The following FAM13A variants were observed in gnomAD, a reference collection of about 807,000 sequenced individuals.
FAM13A encodes the protein family with sequence similarity 13 member A.
Under a neutral mutation model 129.6 loss-of-function variants are expected in FAM13A, and 76 were observed. The observed-to-expected ratio is 0.59, with a 90% CI of 0.49 to 0.71. FAM13A has a LOEUF of 0.71. Among genes scored for constraint, FAM13A ranks in the 30% least tolerant of loss-of-function variants. The pLI, the probability that FAM13A is intolerant of heterozygous loss-of-function variation, is 0.00. For missense variants in FAM13A, 1,108 were observed against 1,249.3 expected (o/e 0.89, Z 1.70); for synonymous variants, 443 against 449.9 (o/e 0.98, Z 0.20).
chr4:88,988,234 ATGGGTG>A, intron 4 of FAM13A, among the ~76,000 whole-genome samples: 1 of 152,340 alleles, frequency 6.6e-6, no homozygotes, highest in South Asian at 2.1e-4. Flanking sequence ...ACCCCTGCAC[ATGGGTG>A]TGCACACATG....
chr4:88,750,473 C>T lies in FAM13A; in HGVS notation c.1891G>A (p.Asp631Asn), dbSNP rs768704104. 5 of 1,614,042 alleles carry T rather than the reference C, an allele frequency of 3.1e-6. No homozygotes were observed. Among genetic ancestry groups the T allele is most frequent in the Non-Finnish European group, 4.2e-6 (5 of 1,180,026 alleles). Residue 631 changes from aspartate (D) to asparagine (N), a missense_variant, in exon 15 of 24, where the codon GAT (aspartate) becomes AAT (asparagine). Coordinates refer to ENST00000264344, the MANE Select transcript of FAM13A (RefSeq NM_014883.4). ...YAYGQSRQYL[D>N]DTEVPPSPPN... Reference sequence around the variant, plus strand: ...GGGGAAGGAGGCACTTCTGTGTCATCCAGGTATTGCCTGCTCTGCCCATAA... The same window carrying T: ...GGGGAAGGAGGCACTTCTGTGTCATTCAGGTATTGCCTGCTCTGCCCATAA...
intron 6 of FAM13A, among the ~76,000 whole-genome samples, chr4:88,880,753 C>CA (rs1263518304): frequency 1.5e-5 from 1 of 65,634 alleles, no homozygotes; most frequent in African/African-American, 6.6e-5. Flanking sequence ...GAAATAAACT[C>CA]AGAGCTGTTG....
chr4:88,880,053 T>C (rs1743266676), intron 6 of FAM13A, among the ~76,000 whole-genome samples: 1 of 152,096 alleles, frequency 6.6e-6, no homozygotes, highest in South Asian at 2.1e-4. Flanking sequence ...ATTATTCCTC[T>C]CTAATAAATT....
chr4:88,959,992 G>C (rs1758362356), intron 4 of FAM13A, among the ~76,000 whole-genome samples: 1 of 152,134 alleles, frequency 6.6e-6, no homozygotes, highest in Non-Finnish European at 1.5e-5. Context: ...CTGGTTCTCG[G>C]CAAGAAGGCA....
Position 88,758,884 on chromosome 4 carries a change from G to A in FAM13A, c.1596C>T (p.Ile532=), listed in dbSNP as rs781036292. 9 of 1,613,814 alleles carry A rather than the reference G, an allele frequency of 5.6e-6. No individual in the cohort carries two copies. In the South Asian group the frequency reaches 9.9e-5, roughly 18 times the overall value. The part of the protein sequence containing the change: ...TQHFESPTMK[I]QEHPSLSDTK... ...TGTCAGATAGGCTGGGATGCTCCTG[G>A]ATCTTCATTGTGGGGCTCTGCAATA... Residue 532 remains isoleucine, a synonymous_variant, in exon 14 of 24, where the codon ATC becomes ATT. Coordinates refer to ENST00000264344, the MANE Select transcript of FAM13A (RefSeq NM_014883.4).
chr4:88,980,614 A>G (rs1761535186), intron 4 of FAM13A, among the ~76,000 whole-genome samples: 2 of 152,164 alleles, frequency 1.3e-5, no homozygotes, highest in South Asian at 2.1e-4. Context: ...AAATTAAGGG[A>G]AAAATTTGCA....
chr4:88,893,455 T>C (rs1561270031), intron 6 of FAM13A, among the ~76,000 whole-genome samples: 1 of 152,034 alleles, frequency 6.6e-6, no homozygotes, highest in South Asian at 2.1e-4. Flanking sequence ...AAACCCCGTC[T>C]TACTAAAAAT....
chr4:88,978,977 C>G (rs1452394534), intron 4 of FAM13A, among the ~76,000 whole-genome samples: 8 of 152,062 alleles, frequency 5.3e-5, no homozygotes, highest in Admixed American at 5.2e-4. Context: ...CACAACAATA[C>G]ATTAATAGTT....
intron 7 of FAM13A, among the ~76,000 whole-genome samples, chr4:88,817,868 A>T (rs995711660): frequency 6.6e-6 from 1 of 152,350 alleles, no homozygotes; most frequent in African/African-American, 2.4e-5. Context: ...GATGGAATTG[A>T]AACTGTATTG....
rs191423903 is a variant in FAM13A, at chr4:89,021,050, G to T, written c.218-381C>A. 4.6e-5 allele frequency among the ~76,000 whole-genome samples: 7 copies of T among 152,262 alleles called. No homozygotes were observed. The East Asian group carries it at 1.2e-3, about 25-fold the overall frequency. On this transcript the variant is annotated intron_variant, in intron 2 of 23. Transcript: ENST00000264344. ...CTTCATGAACAACTACTTTTTAAAT[G>T]ACATGTATTTAAGAAACTTTTAAAC...
In FAM13A at chr4:88,781,359, T is replaced by G. The variant is rs1722818188; in HGVS notation, c.1272-8A>C. 1 of 1,574,466 alleles carries G rather than the reference T, an allele frequency of 6.4e-7. No homozygotes were observed. The highest frequency in any genetic ancestry group is 8.6e-7 in the Non-Finnish European group (1 of 1,159,602). On this transcript the variant is annotated splice_region_variant and splice_polypyrimidine_tract_variant and intron_variant, in intron 10 of 23. Coordinates refer to ENST00000264344, the MANE Select transcript of FAM13A (RefSeq NM_014883.4). ...TCTTTGTTGATAAGTCCCCTTGAATTGAGAAAAAAGCTTAATTTTATTTTA... is the reference window on the plus strand; with the variant it reads ...TCTTTGTTGATAAGTCCCCTTGAATGGAGAAAAAAGCTTAATTTTATTTTA...
At chr4:88,778,184 A>G (rs968066992) in intron 11 of FAM13A, among the ~76,000 whole-genome samples, 8 of 152,204 alleles carry the variant, frequency 5.3e-5, no homozygotes, top group African/African-American at 1.9e-4. Context: ...TAGGCCCAGA[A>G]GCCCAGTTGC....
chr4:88,913,022 GGAAGAAGAA>G (rs60618273), intron 5 of FAM13A, among the ~76,000 whole-genome samples: 8 of 147,714 alleles, frequency 5.4e-5, no homozygotes, highest in Admixed American at 1.3e-4. Flanking sequence ...AGGAGGAGGA[GGAAGAAGAA>G]GAAGAAGAAG....
chr4:88,837,718 CAAAAAA>C (rs34184242), intron 7 of FAM13A, among the ~76,000 whole-genome samples: 3 of 71,588 alleles, frequency 4.2e-5, no homozygotes, highest in African/African-American at 1.5e-4. Context: ...AACTCCGTCT[CAAAAAA>C]AAAAAAAAAA....
At chr4:88,945,810 TTA>T (rs1327259998) in intron 4 of FAM13A, among the ~76,000 whole-genome samples, 53 of 139,950 alleles carry the variant, frequency 3.8e-4, no homozygotes, top group South Asian at 2.6e-3. Flanking sequence ...TATATATATA[TTA>T]TATATATATA....
intron 7 of FAM13A, among the ~76,000 whole-genome samples, chr4:88,818,023 G>A (rs6813481): frequency 0.081 from 12,383 of 152,042 alleles, 605 homozygotes; most frequent in African/African-American, 0.14. Flanking sequence ...TTCCACTGTC[G>A]CACAGACTGG....
chr4:88,872,779 C>T (rs1037021838), intron 6 of FAM13A, among the ~76,000 whole-genome samples: 7 of 152,168 alleles, frequency 4.6e-5, no homozygotes, highest in Non-Finnish European at 1.0e-4. Flanking sequence ...AGCTCTGCAG[C>T]TTAGCAGACC....
intron 7 of FAM13A, 84 bp downstream of exon 7, chr4:88,850,936 A>G: frequency 8.2e-7 from 1 of 1,222,936 alleles, no homozygotes; most frequent in Non-Finnish European, 1.2e-6. Flanking sequence ...TGGCAGATCA[A>G]TGCAGAAATA....
intron 4 of FAM13A, among the ~76,000 whole-genome samples, chr4:88,979,420 A>G (rs917808157): frequency 6.6e-6 from 1 of 152,246 alleles, no homozygotes; most frequent in African/African-American, 2.4e-5. Flanking sequence ...AACAGTTATT[A>G]AGTGGTGATT....
Sources: allele counts gnomAD v4.1 joint callset (sites outside exome capture counted in the v4.1 genomes callset), GRCh38; gene constraint gnomAD v4.1.1; transcripts MANE v1.5; gene names NCBI Gene and HGNC (gene_info 2026-07-23, HGNC 2026-07-21).